HPCAL1: variants seen among roughly 807,000 people sequenced by gnomAD.
HPCAL1 encodes the protein hippocalcin like 1, also known as hippocalcin-like protein 1.
In HPCAL1, 8 loss-of-function variants were observed where a neutral mutation model predicts 17.1. The ratio of observed to expected loss-of-function variants is 0.47; its 90% confidence interval spans 0.27 to 0.84. The LOEUF (loss-of-function observed/expected upper bound fraction) is 0.84. Ranked by LOEUF, HPCAL1 falls within the 40% of genes least tolerant of loss-of-function variation. The pLI, the probability that HPCAL1 is intolerant of heterozygous loss-of-function variation, is 0.13. For missense variants in HPCAL1, 165 were observed against 271.1 expected (o/e 0.61, Z 2.75); for synonymous variants, 112 against 111.4 (o/e 1.01, Z -0.03).
chr2:10,329,241 C>T (rs1305819446), intron 1 of HPCAL1, among the ~76,000 whole-genome samples: 1 of 152,230 alleles, frequency 6.6e-6, no homozygotes, highest in Non-Finnish European at 1.5e-5. Flanking sequence ...CAGATGCTCA[C>T]ATCCGAATCC....
At chr2:10,422,302 C>T (rs1671114744) in intron 3 of HPCAL1, among the ~76,000 whole-genome samples, 1 of 152,204 alleles carries the variant, frequency 6.6e-6, no homozygotes, top group African/African-American at 2.4e-5. Flanking sequence ...GTGGAGTGCT[C>T]AGAAAATCCC....
chr2:10,373,885 A>G (rs990407172), intron 1 of HPCAL1, among the ~76,000 whole-genome samples: 1 of 152,284 alleles, frequency 6.6e-6, no homozygotes. Flanking sequence ...GTCTTTGGGA[A>G]CTTCTGGGCC....
intron 1 of HPCAL1, among the ~76,000 whole-genome samples, chr2:10,396,452 G>C (rs550862126): frequency 8.5e-5 from 13 of 152,336 alleles, no homozygotes; most frequent in Admixed American, 3.3e-4. Flanking sequence ...GACGGAGGCT[G>C]TGCGTCTGTG....
At chr2:10,329,027 G>A (rs867284630) in intron 1 of HPCAL1, among the ~76,000 whole-genome samples, 2 of 151,886 alleles carry the variant, frequency 1.3e-5, no homozygotes, top group Middle Eastern at 6.8e-3. Flanking sequence ...ATGGGATCTT[G>A]CCGTGTTGCC....
intron 1 of HPCAL1, among the ~76,000 whole-genome samples, chr2:10,352,737 C>T (rs935098543): frequency 1.3e-5 from 2 of 152,204 alleles, no homozygotes; most frequent in Admixed American, 1.3e-4. Flanking sequence ...AGCTGAGGGC[C>T]TGGTGCCCCC....
chr2:10,370,930 T>C (rs896611310), intron 1 of HPCAL1, among the ~76,000 whole-genome samples: 1 of 152,220 alleles, frequency 6.6e-6, no homozygotes, highest in African/African-American at 2.4e-5. Flanking sequence ...GAATTGGACG[T>C]GTGACGGGGC....
chr2:10,409,113 C>A (rs1031703137), intron 2 of HPCAL1, among the ~76,000 whole-genome samples: 1 of 151,986 alleles, frequency 6.6e-6, no homozygotes, highest in Admixed American at 6.6e-5. Flanking sequence ...CGTCAAAATC[C>A]GGCGTGTATT....
intron 1 of HPCAL1, among the ~76,000 whole-genome samples, chr2:10,306,646 A>C (rs1231695794): frequency 6.6e-6 from 1 of 152,202 alleles, no homozygotes; most frequent in Non-Finnish European, 1.5e-5. Context: ...AAAGACTAAA[A>C]AATGGTTGGA....
rs559867541 is a variant in HPCAL1, at chr2:10,362,884, G to T, written c.-110-33951G>T. On this transcript the variant is annotated intron_variant, in intron 1 of 4. Coordinates refer to ENST00000307845, the MANE Select transcript of HPCAL1 (RefSeq NM_002149.4). This position sits in a 1 kb window ranked among gnomAD's most constrained non-coding sequence, Gnocchi z 5.0. ...AGTTTGGACCATTCCTGAGCAGAGGGGGACCTCAGAGGACAGTCGGACTGG... is the reference window on the plus strand; with the variant it reads ...AGTTTGGACCATTCCTGAGCAGAGGTGGACCTCAGAGGACAGTCGGACTGG... Among the ~76,000 whole-genome samples the T allele has an allele frequency of 4.3e-4, 65 of 152,194 alleles. No homozygotes were observed. The highest frequency in any genetic ancestry group is 8.8e-4 in the Non-Finnish European group (60 of 68,024).
At chr2:10,306,301 T>C (rs1662616208) in intron 1 of HPCAL1, among the ~76,000 whole-genome samples, 1 of 152,090 alleles carries the variant, frequency 6.6e-6, no homozygotes, top group African/African-American at 2.4e-5. Context: ...ATGTGTATTC[T>C]GCTAGTTTGT....
At chr2:10,327,905 G>A (rs756229472) in intron 1 of HPCAL1, among the ~76,000 whole-genome samples, 13 of 152,278 alleles carry the variant, frequency 8.5e-5, no homozygotes, top group African/African-American at 1.7e-4. Flanking sequence ...GGTTAGCCCC[G>A]GATCCATAAC....
chr2:10,422,377 C>T (rs1473975021), intron 3 of HPCAL1, among the ~76,000 whole-genome samples: 5 of 152,184 alleles, frequency 3.3e-5, no homozygotes, highest in Admixed American at 1.3e-4. Context: ...GTCCCATCAC[C>T]GTCTCCTCTG....
At chr2:10,403,721 G>A (rs1316148467) in intron 2 of HPCAL1, among the ~76,000 whole-genome samples, 1 of 151,974 alleles carries the variant, frequency 6.6e-6, no homozygotes, top group Non-Finnish European at 1.5e-5. Flanking sequence ...GACTTCAGGT[G>A]ATCCGCCCAC....
chr2:10,348,221 G>A (rs183839088), intron 1 of HPCAL1, among the ~76,000 whole-genome samples: 25 of 152,260 alleles, frequency 1.6e-4, no homozygotes, highest in Non-Finnish European at 2.5e-4. Flanking sequence ...AGGCCAAGGT[G>A]GGCAGTTCAC....
intron 1 of HPCAL1, among the ~76,000 whole-genome samples, chr2:10,352,495 C>A (rs1052074224): frequency 6.6e-5 from 10 of 152,228 alleles, no homozygotes; most frequent in Non-Finnish European, 1.5e-4. Flanking sequence ...CTAAATTAGT[C>A]CTCCTGGAAG....
chr2:10,326,681 G>A (rs763744838), intron 1 of HPCAL1, among the ~76,000 whole-genome samples: 2 of 152,198 alleles, frequency 1.3e-5, no homozygotes, highest in South Asian at 2.1e-4. Context: ...CATGAGGAGG[G>A]ATTTCTGTCC....
chr2:10,399,536 C>T (rs1331951789), intron 2 of HPCAL1, among the ~76,000 whole-genome samples: 6 of 127,942 alleles, frequency 4.7e-5, no homozygotes, highest in African/African-American at 7.1e-5. Context: ...CCACTGCCAC[C>T]GCCACCATCA....
intron 2 of HPCAL1, among the ~76,000 whole-genome samples, chr2:10,414,324 A>G (rs1484155970): frequency 2.0e-5 from 3 of 152,186 alleles, no homozygotes; most frequent in Non-Finnish European, 4.4e-5. Context: ...CACTTAAACT[A>G]CAGAACTCTG....
chr2:10,399,597 A>G (rs759332725), intron 2 of HPCAL1, among the ~76,000 whole-genome samples: 94 of 129,748 alleles, frequency 7.2e-4, no homozygotes, highest in Non-Finnish European at 1.3e-3. Context: ...CACCGCCACC[A>G]CCACCACCAC....
Sources: gnomAD v4.1 joint callset for allele counts (sites outside exome capture counted in the v4.1 genomes callset) on GRCh38, gnomAD v4.1.1 for gene constraint, Gnocchi (gnomAD v3.1) non-coding constraint, MANE v1.5 for transcripts, NCBI Gene and HGNC (gene_info 2026-07-23, HGNC 2026-07-21) for gene names.